AKAP13: variants seen among roughly 807,000 people sequenced by gnomAD.
AKAP13 encodes A-kinase anchoring protein 13.
AKAP13 carries 80 observed loss-of-function variants against 264.5 expected under a neutral mutation model. The observed-to-expected ratio is 0.30, with a 90% CI of 0.25 to 0.36. AKAP13 has a LOEUF of 0.36. AKAP13 is among the 10% of genes least tolerant of loss of function. AKAP13 has a pLI of 1.00. For missense variants in AKAP13, 3,712 were observed against 3,435.2 expected, an observed-to-expected ratio of 1.08 and a Z score of -2.01; for synonymous variants, 1,380 against 1,250.2, an observed-to-expected ratio of 1.10 and a Z score of -2.19.
intron 3 of AKAP13, among the ~76,000 whole-genome samples, chr15:85,528,472 A>G (rs2077151824): frequency 6.6e-6 from 1 of 152,326 alleles, no homozygotes; most frequent in South Asian, 2.1e-4. Context: ...AATAAAAACT[A>G]CCAGTTTTAG....
chr15:85,498,021 G>C (rs1213267587), intron 2 of AKAP13, among the ~76,000 whole-genome samples: 2 of 151,966 alleles, frequency 1.3e-5, no homozygotes, highest in Admixed American at 6.6e-5. Flanking sequence ...CTGGTAGAAT[G>C]ACTGAAAACC....
At chr15:85,726,746 G>A (rs2087638675) in intron 27 of AKAP13, among the ~76,000 whole-genome samples, 1 of 152,158 alleles carries the variant, frequency 6.6e-6, no homozygotes, top group Non-Finnish European at 1.5e-5. Context: ...GGTCACTGGA[G>A]CATTTCTCAC....
rs1023408620 is a variant in AKAP13 at position 85,586,505 on chromosome 15, A to G, written c.4161+682A>G. Among the ~76,000 whole-genome samples the G allele has an allele frequency of 3.3e-5, 5 of 152,284 alleles. No homozygotes were observed. In the East Asian group the frequency reaches 7.7e-4, roughly 23 times the overall value. ...AGATGTGAGTCATGGCACTCGGCCT[A>G]TAAACCCTTCTTAAACCTGACTCTT... On this transcript the variant is annotated intron_variant, in intron 8 of 36. Transcript: ENST00000394518.
chr15:85,498,199 GATATATATATAT>G (rs59420326), intron 2 of AKAP13, among the ~76,000 whole-genome samples: 1,547 of 132,894 alleles, frequency 0.012, 73 homozygotes, highest in African/African-American at 0.038. Context: ...AATGAAGTGA[GATATATATATAT>G]ATATATATAT....
rs774703423 is a variant in AKAP13, at chr15:85,718,217, G to A, written c.6001+58G>A. On this transcript the variant is annotated intron_variant, in intron 22 of 36. Coordinates refer to ENST00000394518, the MANE Select transcript of AKAP13 (RefSeq NM_007200.5). This position sits in a 1 kb window ranked among gnomAD's most constrained non-coding sequence, Gnocchi z 4.9. ...GATTTCCATTGTCCAGCATTTTTAAGCAGTAATTTGTTGGACTATGAAAAA... is the reference window on the plus strand; with the variant it reads ...GATTTCCATTGTCCAGCATTTTTAAACAGTAATTTGTTGGACTATGAAAAA... 27 of 1,584,534 alleles carry A rather than the reference G, an allele frequency of 1.7e-5. No individual in the cohort carries two copies. The highest frequency in any genetic ancestry group is 2.2e-5 in the Non-Finnish European group (26 of 1,162,340).
intron 8 of AKAP13, among the ~76,000 whole-genome samples, chr15:85,586,564 G>A (rs1473484374): frequency 1.3e-5 from 2 of 151,928 alleles, no homozygotes; most frequent in African/African-American, 4.8e-5. Flanking sequence ...GCCAAAATGA[G>A]ATTTTTACTT....
rs138409450 is a variant in AKAP13, at chr15:85,452,039, C to T, written c.-11-33671C>T. Among the ~76,000 whole-genome samples, 184 of 151,942 alleles carry T rather than the reference C, an allele frequency of 1.2e-3. 1 individual carries two copies. Among genetic ancestry groups the T allele is most frequent in the African/African-American group, 4.2e-3 (174 of 41,466 alleles). ...GTTTTGTCCTCTTTACATAATTTCTCGGAGGTTTTGTTCATTCCTTTTTAT... is the reference window on the plus strand; with the variant it reads ...GTTTTGTCCTCTTTACATAATTTCTTGGAGGTTTTGTTCATTCCTTTTTAT... On this transcript the variant is annotated intron_variant, in intron 1 of 36. Coordinates refer to ENST00000394518, the MANE Select transcript of AKAP13 (RefSeq NM_007200.5).
At chr15:85,405,836 C>G (rs766760173) in intron 1 of AKAP13, among the ~76,000 whole-genome samples, 3 of 152,142 alleles carry the variant, frequency 2.0e-5, no homozygotes, top group Non-Finnish European at 4.4e-5. Context: ...GGTAGAATAC[C>G]TGCCCTCACC....
chr15:85,415,247 G>A (rs1400174430), intron 1 of AKAP13: 2 of 1,566,474 alleles, frequency 1.3e-6, no homozygotes, highest in Non-Finnish European at 1.7e-6. Context: ...TTCAGCAGCT[G>A]GAAGGAAGAT....
At chr15:85,663,341 A>G (rs763251563) in intron 12 of AKAP13, among the ~76,000 whole-genome samples, 4 of 152,064 alleles carry the variant, frequency 2.6e-5, no homozygotes, top group Non-Finnish European at 2.9e-5. Context: ...AAGAAAGAAA[A>G]TGAGGTTTAC....
chr15:85,623,977 A>T (rs1189303047), intron 8 of AKAP13, among the ~76,000 whole-genome samples: 1 of 152,216 alleles, frequency 6.6e-6, no homozygotes, highest in Non-Finnish European at 1.5e-5. Flanking sequence ...TTGGTAACTG[A>T]TGGGAGCTTT....
intron 8 of AKAP13, among the ~76,000 whole-genome samples, chr15:85,614,067 G>T (rs538956943): frequency 2.4e-3 from 363 of 152,204 alleles, no homozygotes; most frequent in Non-Finnish European, 3.9e-3. Flanking sequence ...TCTTCTAGCG[G>T]TGTAATATGT....
chr15:85,468,574 G>C lies in AKAP13; in HGVS notation c.-11-17136G>C, dbSNP rs141748953. 1.1e-3 allele frequency among the ~76,000 whole-genome samples: 166 copies of C among 152,308 alleles called. 1 individual carries two copies. The highest frequency in any genetic ancestry group is 3.9e-3 in the African/African-American group (162 of 41,560). ...AAGAGATGTCTTGGTTCTCTCAGAT[G>C]AGTTCTGTTGTATCACTTTCAGATA... On this transcript the variant is annotated intron_variant, in intron 1 of 36. Transcript: ENST00000394518.
In AKAP13 at chr15:85,399,517, AAAAAAT is replaced by A. The variant is rs1596045167; in HGVS notation, c.-12+18725_-12+18730del. ...GACTCCGTCTCAAAAAAAAAAAAAA[AAAAAAT>A]AAAAAAATAAAAAAATAAATAAATA... On this transcript the variant is annotated intron_variant, in intron 1 of 36. Coordinates refer to ENST00000394518, the MANE Select transcript of AKAP13 (RefSeq NM_007200.5). 5.6e-4 allele frequency among the ~76,000 whole-genome samples: 71 copies of A among 125,962 alleles called. 1 individual carries two copies. Among genetic ancestry groups the A allele is most frequent in the Non-Finnish European group, 7.9e-4 (48 of 60,624 alleles). The allele number at this position is 125,962 out of a possible 152,430, so 82.6% of individuals were successfully genotyped here. A position where few individuals can be genotyped will look rare whatever the true frequency, so the allele number is the denominator to read the frequency against.
chr15:85,526,391 C>T (rs1389909363), intron 3 of AKAP13, among the ~76,000 whole-genome samples: 2 of 152,128 alleles, frequency 1.3e-5, no homozygotes, highest in African/African-American at 4.8e-5. Context: ...TCCCAAGTAG[C>T]ACTCACCATC....
intron 17 of AKAP13, among the ~76,000 whole-genome samples, chr15:85,699,511 A>C (rs1299822252): frequency 2.0e-5 from 3 of 152,188 alleles, no homozygotes; most frequent in Non-Finnish European, 4.4e-5. Flanking sequence ...TAACAATCTG[A>C]AGAAAGAGAA....
chr15:85,485,953 A>G (rs771827565), intron 2 of AKAP13, among the ~76,000 whole-genome samples, 200 bp downstream of exon 2: 1 of 152,264 alleles, frequency 6.6e-6, no homozygotes, highest in Non-Finnish European at 1.5e-5. Context: ...AAATGAAAAC[A>G]AATAATACCT....
intron 1 of AKAP13, among the ~76,000 whole-genome samples, chr15:85,429,584 A>G (rs540066390): frequency 6.9e-4 from 105 of 152,296 alleles, no homozygotes; most frequent in African/African-American, 2.4e-3. Context: ...GTGTGCACAT[A>G]ATTGGTGAGT....
At chr15:85,641,205 G>T (rs1195901990) in intron 9 of AKAP13, among the ~76,000 whole-genome samples, 1 of 151,908 alleles carries the variant, frequency 6.6e-6, no homozygotes, top group Non-Finnish European at 1.5e-5. Flanking sequence ...CCAACACTTG[G>T]GGAGGCCGAG....
Sources: allele counts gnomAD v4.1 joint callset (sites outside exome capture counted in the v4.1 genomes callset), GRCh38; gene constraint gnomAD v4.1.1; non-coding constraint Gnocchi (gnomAD v3.1); transcripts MANE v1.5; gene names NCBI Gene and HGNC (gene_info 2026-07-23, HGNC 2026-07-21).